The following FNIP1 variants were observed in gnomAD, a reference collection of about 807,000 sequenced individuals.
FNIP1 encodes folliculin interacting protein 1, also known as folliculin-interacting protein 1.
A neutral mutation model predicts 124.5 loss-of-function variants in FNIP1; 40 were observed. The observed-to-expected ratio is 0.32, with a 90% CI of 0.25 to 0.42. The LOEUF (loss-of-function observed/expected upper bound fraction) is 0.42, where lower values mean the gene tolerates loss of function less well. Ranked by LOEUF, FNIP1 falls within the 10% of genes least tolerant of loss-of-function variation. The probability of loss-of-function intolerance (pLI) is 1.00; values close to 1 mark genes in which losing one functional copy is unlikely to be tolerated. For synonymous variants in FNIP1, 472 were observed against 470.6 expected (o/e 1.00, Z -0.04); for missense variants, 1,176 against 1,403.7 (o/e 0.84, Z 2.59).
chr5:131,764,760 T>C (rs1771362492), intron 1 of FNIP1, among the ~76,000 whole-genome samples: 1 of 152,150 alleles, frequency 6.6e-6, no homozygotes, highest in Admixed American at 6.5e-5. Flanking sequence ...TGTTTATAGA[T>C]AGTACTCAAT....
intron 13 of FNIP1, among the ~76,000 whole-genome samples, chr5:131,673,426 G>A (rs1767825586): frequency 6.6e-6 from 1 of 152,124 alleles, no homozygotes; most frequent in Non-Finnish European, 1.5e-5. Context: ...CTTAACCAGA[G>A]AGAAAGGTGA....
At chr5:131,695,395 T>C (rs1297381065) in intron 11 of FNIP1, among the ~76,000 whole-genome samples, 1 of 152,190 alleles carries the variant, frequency 6.6e-6, no homozygotes, top group Non-Finnish European at 1.5e-5. Flanking sequence ...AGGCATGTCT[T>C]AGAATTTACC....
chr5:131,790,629 A>G (rs2149590676), intron 1 of FNIP1, among the ~76,000 whole-genome samples: 1 of 152,348 alleles, frequency 6.6e-6, no homozygotes, highest in South Asian at 2.1e-4. Context: ...AAAAGGCTCA[A>G]GTAAGCAAAG....
rs759734578 is a variant in FNIP1, at chr5:131,672,078, C to T, written c.2366G>A (p.Gly789Glu). The T allele has an allele frequency of 9.5e-5, 153 of 1,614,012 alleles. No homozygotes were observed. Among genetic ancestry groups the T allele is most frequent in the Middle Eastern group, 6.6e-4 (4 of 6,084 alleles). Residue 789 changes from glycine to glutamate, a missense_variant, in exon 14 of 18, where the codon GGG (glycine) becomes GAG (glutamate). By Grantham distance (98) the Gly-to-Glu change is moderately conservative. This residue lies in a region of FNIP1 where 1,109 missense variants were observed against 1,288.5 expected (regional missense o/e 0.86). Transcript: ENST00000510461. ...HHTKPLKEERGAIDQHQETKQ... is the reference protein window; with the variant it reads ...HHTKPLKEEREAIDQHQETKQ... ...AGTTTCTTGATGCTGATCAATAGCC[C>T]CTCTTTCTTCCTTCAATGGTTTGGT...
chr5:131,690,324 A>G (rs1404072172), intron 11 of FNIP1, among the ~76,000 whole-genome samples: 4 of 152,204 alleles, frequency 2.6e-5, no homozygotes, highest in East Asian at 1.9e-4. Context: ...GGAATAACCG[A>G]TAAGGTTAGG....
At position 131,785,952 on chromosome 5, in the gene FNIP1, T is replaced by A. The variant is rs184186085; in HGVS notation, c.92+10878A>T. On this transcript the variant is annotated intron_variant, in intron 1 of 17. Transcript: ENST00000510461. ...GTAACTAGAAATTAATCAAAATACATACAAAATCCTTATTTATGGGAGTCA... is the reference window on the plus strand; with the variant it reads ...GTAACTAGAAATTAATCAAAATACAAACAAAATCCTTATTTATGGGAGTCA... 2.3e-3 allele frequency among the ~76,000 whole-genome samples: 350 copies of A among 152,330 alleles called. 1 individual carries two copies. The highest frequency in any genetic ancestry group is 2.6e-3 in the Non-Finnish European group (176 of 68,032).
chr5:131,789,106 T>C (rs1328754602), intron 1 of FNIP1, among the ~76,000 whole-genome samples: 1 of 152,158 alleles, frequency 6.6e-6, no homozygotes, highest in Admixed American at 6.5e-5. Flanking sequence ...TGAAATTCTA[T>C]TATCTGCGGC....
At chr5:131,678,553 A>G (rs1032246995) in intron 12 of FNIP1, among the ~76,000 whole-genome samples, 1 of 152,048 alleles carries the variant, frequency 6.6e-6, no homozygotes, top group Non-Finnish European at 1.5e-5. Context: ...GACTACAGGC[A>G]CCCGCCACCA....
At chr5:131,650,904 C>G (rs957380379) in intron 16 of FNIP1, among the ~76,000 whole-genome samples, 4 of 152,114 alleles carry the variant, frequency 2.6e-5, no homozygotes, top group African/African-American at 7.2e-5. Context: ...CAATAAAAGT[C>G]CTGACATGAC....
At chr5:131,657,815 C>T (rs905347533) in intron 15 of FNIP1, among the ~76,000 whole-genome samples, 1 of 145,902 alleles carries the variant, frequency 6.9e-6, no homozygotes, top group Non-Finnish European at 1.5e-5. Context: ...CCGAGGCAGG[C>T]GGATCACAAG....
intron 2 of FNIP1, among the ~76,000 whole-genome samples, chr5:131,733,350 A>G (rs1179126778): frequency 1.3e-5 from 2 of 152,180 alleles, no homozygotes; most frequent in Non-Finnish European, 2.9e-5. Context: ...CCCTGGCCAC[A>G]ACTTCCAACA....
At position 131,758,536 on chromosome 5, in the gene FNIP1, C is replaced by G. The variant is rs1029825218; in HGVS notation, c.93-13846G>C. On this transcript the variant is annotated intron_variant, in intron 1 of 17. Transcript: ENST00000510461. The stretch of plus-strand genomic sequence containing the variant: ...CACAAATTTATATGCTACAGAAAAA[C>G]TTTTCTTAGTAATTACTATTAAGCA... Among the ~76,000 whole-genome samples the G allele has an allele frequency of 3.3e-5, 5 of 152,302 alleles. No individual in the cohort carries two copies. The East Asian group carries it at 9.6e-4, about 29-fold the overall frequency.
intron 11 of FNIP1, among the ~76,000 whole-genome samples, chr5:131,682,876 C>T (rs77220989): frequency 1.2e-3 from 189 of 152,206 alleles, no homozygotes; most frequent in African/African-American, 4.0e-3. Flanking sequence ...TCCCAGTGCC[C>T]GGACAATGAA....
At chr5:131,731,444 A>G (rs929563914) in intron 2 of FNIP1, among the ~76,000 whole-genome samples, 1 of 152,174 alleles carries the variant, frequency 6.6e-6, no homozygotes, top group African/African-American at 2.4e-5. Flanking sequence ...ACTTGACACC[A>G]GGAGTTCAAG....
At chr5:131,788,637 GT>G (rs1166424414) in intron 1 of FNIP1, among the ~76,000 whole-genome samples, 3 of 149,432 alleles carry the variant, frequency 2.0e-5, no homozygotes, top group Non-Finnish European at 4.4e-5. Flanking sequence ...GGAGGCAGAG[GT>G]TGCAGTGAGC....
intron 1 of FNIP1, among the ~76,000 whole-genome samples, chr5:131,773,550 T>C (rs1771711284): frequency 6.6e-6 from 1 of 152,188 alleles, no homozygotes; most frequent in South Asian, 2.1e-4. Flanking sequence ...TCCTATAACT[T>C]TGATCACCAA....
At chr5:131,718,641 G>A (rs60831634) in intron 5 of FNIP1, among the ~76,000 whole-genome samples, 18 of 152,208 alleles carry the variant, frequency 1.2e-4, no homozygotes, top group African/African-American at 3.6e-4. Flanking sequence ...GGTTAATTTC[G>A]TAGGGGATCT....
intron 11 of FNIP1, among the ~76,000 whole-genome samples, chr5:131,698,493 A>C (rs1393214818): frequency 6.6e-6 from 1 of 152,226 alleles, no homozygotes; most frequent in East Asian, 1.9e-4. Context: ...ATCTAGAGGA[A>C]GGATCAAGCA....
intron 8 of FNIP1, among the ~76,000 whole-genome samples, chr5:131,708,179 A>T (rs567060707): frequency 6.6e-6 from 1 of 152,274 alleles, no homozygotes; most frequent in African/African-American, 2.4e-5. Flanking sequence ...GTTACACGAG[A>T]GTCTTTGAAA....
Sources: gnomAD v4.1 joint callset for allele counts (sites outside exome capture counted in the v4.1 genomes callset) on GRCh38, gnomAD v4.1.1 for gene constraint, gnomAD v4.1.1 regional missense constraint, MANE v1.5 for transcripts, NCBI Gene and HGNC (gene_info 2026-07-23, HGNC 2026-07-21) for gene names.